TTC23L: variants seen among roughly 807,000 people sequenced by gnomAD.
TTC23L encodes the protein tetratricopeptide repeat protein 23-like.
In TTC23L, 42 loss-of-function variants were observed where a neutral mutation model predicts 48.1. That is an observed-to-expected ratio of 0.87 (90% CI 0.68 to 1.13). The LOEUF (loss-of-function observed/expected upper bound fraction) is 1.13. Among genes scored for constraint, TTC23L ranks in the 50% most tolerant of loss-of-function variants. TTC23L has a pLI of 0.00. For missense variants in TTC23L, 391 were observed against 421.0 expected (o/e 0.93, Z 0.62); for synonymous variants, 159 against 157.2 (o/e 1.01, Z -0.09).
intron 9 of TTC23L, among the ~76,000 whole-genome samples, chr5:34,886,838 A>G (rs533687061): frequency 6.6e-4 from 101 of 152,346 alleles, no homozygotes; most frequent in Non-Finnish European, 1.1e-3. Context: ...TAGTGGCAGC[A>G]TCTCTTGAAA....
At chr5:34,856,753 C>T (rs1760168032) in intron 4 of TTC23L, among the ~76,000 whole-genome samples, 2 of 152,208 alleles carry the variant, frequency 1.3e-5, no homozygotes, top group African/African-American at 4.8e-5. Flanking sequence ...CAGGTTGGTG[C>T]AGTGCCTTGG....
intron 2 of TTC23L, among the ~76,000 whole-genome samples, chr5:34,844,904 A>G (rs1314735263): frequency 1.3e-5 from 2 of 152,126 alleles, no homozygotes; most frequent in African/African-American, 4.8e-5. Flanking sequence ...TGGCCACCAC[A>G]TGTTGAAGCT....
At chr5:34,896,442 T>C (rs114509671) in intron 9 of TTC23L, among the ~76,000 whole-genome samples, 179 of 152,272 alleles carry the variant, frequency 1.2e-3, no homozygotes, top group African/African-American at 4.2e-3. Context: ...CAAGGCACCT[T>C]GTGTGTGAAT....
chr5:34,907,193 G>A, the TTC23L span: 1 of 152,134 alleles, frequency 6.6e-6, no homozygotes, highest in African/African-American at 2.4e-5. Context: ...AATGCTATGT[G>A]ACCTATATTA....
the TTC23L span, chr5:34,920,604 A>G: frequency 6.6e-6 from 1 of 152,218 alleles, no homozygotes; most frequent in African/African-American, 2.4e-5. Flanking sequence ...TATAATTTCA[A>G]GTAAAGACAG....
intron 9 of TTC23L, among the ~76,000 whole-genome samples, chr5:34,895,784 G>C (rs1763183565): frequency 6.6e-6 from 1 of 152,202 alleles, no homozygotes; most frequent in Non-Finnish European, 1.5e-5. Flanking sequence ...AAAAAGAAAG[G>C]AGGTGATATG....
intron 10 of TTC23L, among the ~76,000 whole-genome samples, chr5:34,898,694 A>T (rs1348179384): frequency 6.6e-6 from 1 of 152,232 alleles, no homozygotes; most frequent in Non-Finnish European, 1.5e-5. Flanking sequence ...CCAGTAATAG[A>T]GAATGAGCCT....
At chr5:34,925,222 T>TA in the TTC23L span, 2 of 1,541,070 alleles carry the variant, frequency 1.3e-6, no homozygotes, top group Non-Finnish European at 8.7e-7. Context: ...TTTTTTTTTT[T>TA]TAGCATCGGC....
the TTC23L span, chr5:34,908,506 A>C: frequency 3.4e-6 from 1 of 291,184 alleles, no homozygotes; most frequent in Non-Finnish European, 6.4e-6. Flanking sequence ...ACTCACAATT[A>C]TTCCCATGAG....
chr5:34,903,180 G>A (rs1004430301), downstream of TTC23L, among the ~76,000 whole-genome samples: 1 of 152,122 alleles, frequency 6.6e-6, no homozygotes, highest in Non-Finnish European at 1.5e-5. Context: ...TTTATTGTCA[G>A]TGTAAGGTTG....
chr5:34,911,324 A>T, the TTC23L span, among the ~76,000 whole-genome samples: 1 of 152,210 alleles, frequency 6.6e-6, no homozygotes, highest in Admixed American at 6.5e-5. Flanking sequence ...AAATTAGAGG[A>T]CTGGGCTTCT....
chr5:34,902,832 A>G (rs1288243279), downstream of TTC23L, among the ~76,000 whole-genome samples: 1 of 152,030 alleles, frequency 6.6e-6, no homozygotes, highest in Non-Finnish European at 1.5e-5. Context: ...ATCATTGTTC[A>G]TTTTAGCCCT....
intron 8 of TTC23L, among the ~76,000 whole-genome samples, chr5:34,877,156 C>G (rs1324358038): frequency 1.3e-5 from 2 of 152,116 alleles, no homozygotes; most frequent in Non-Finnish European, 2.9e-5. Context: ...CAAGGCCAGT[C>G]CAGTATTTGA....
chr5:34,915,031 G>C, the TTC23L span: 1 of 832,690 alleles, frequency 1.2e-6, no homozygotes, highest in African/African-American at 1.7e-5. Flanking sequence ...TGCGCTGAGA[G>C]GTGGAAAGGG....
chr5:34,915,296 C>G, the TTC23L span: 1 of 267,448 alleles, frequency 3.7e-6, no homozygotes, highest in Admixed American at 5.0e-5. Context: ...CAGGCGATGG[C>G]GGGGCGGGCC....
the TTC23L span, chr5:34,924,753 T>C: frequency 2.7e-6 from 2 of 735,122 alleles, no homozygotes; most frequent in South Asian, 5.0e-5. Flanking sequence ...GGATTATCAA[T>C]TATTTCAGGC....
At chr5:34,911,776 T>C in the TTC23L span, 2 of 1,614,016 alleles carry the variant, frequency 1.2e-6, no homozygotes, top group Non-Finnish European at 1.7e-6. Context: ...AGGGTAACCA[T>C]AACCTTGGTA....
chr5:34,907,979 T>A, the TTC23L span: 1 of 152,262 alleles, frequency 6.6e-6, no homozygotes, highest in East Asian at 1.9e-4. Flanking sequence ...GCTGGCCTCC[T>A]CCCCAGAGTT....
chr5:34,909,382 T>C, the TTC23L span: 2 of 1,465,260 alleles, frequency 1.4e-6, no homozygotes, highest in South Asian at 1.2e-5. Context: ...ACCTCATTTA[T>C]TCATTCATCC....
Sources: gnomAD v4.1 joint callset for allele counts (sites outside exome capture counted in the v4.1 genomes callset) on GRCh38, gnomAD v4.1.1 for gene constraint, MANE v1.5 for transcripts, NCBI Gene and HGNC (gene_info 2026-07-23, HGNC 2026-07-21) for gene names.